Variants in MYO18A observed in about 807,000 individuals in gnomAD.
MYO18A encodes unconventional myosin-XVIIIa.
A neutral mutation model predicts 235.8 loss-of-function variants in MYO18A; 78 were observed. The observed-to-expected ratio is 0.33, with a 90% CI of 0.28 to 0.40. The LOEUF is 0.40. MYO18A is among the 10% of genes least tolerant of loss of function. MYO18A has a pLI of 1.00. For synonymous variants in MYO18A, 977 were observed against 1,077.8 expected (o/e 0.91, Z 1.83); for missense variants, 2,215 against 2,699.3 (o/e 0.82, Z 3.98).
At chr17:29,146,819 T>C (rs1156851248) in intron 2 of MYO18A, among the ~76,000 whole-genome samples, 4 of 152,208 alleles carry the variant, frequency 2.6e-5, no homozygotes, top group Admixed American at 1.3e-4. Context: ...TGCTGGACTT[T>C]TCAGATACTG....
intron 2 of MYO18A, among the ~76,000 whole-genome samples, chr17:29,154,707 G>C (rs2068030324): frequency 6.6e-6 from 1 of 152,220 alleles, no homozygotes; most frequent in African/African-American, 2.4e-5. Context: ...GCCAGGCTCA[G>C]CACATGCTGG....
At chr17:29,161,215 C>T (rs1048738361) in intron 2 of MYO18A, among the ~76,000 whole-genome samples, 2 of 151,996 alleles carry the variant, frequency 1.3e-5, no homozygotes, top group Admixed American at 6.5e-5. Flanking sequence ...ATTAGCTAGG[C>T]GTGGTGGCAG....
chr17:29,094,593 G>A, intron 30 of MYO18A, 57 bp downstream of exon 30: 2 of 1,567,964 alleles, frequency 1.3e-6, no homozygotes, highest in Non-Finnish European at 1.8e-6. Context: ...GGCTGGCTGT[G>A]GGGATGGTGG....
At chr17:29,149,823 C>G (rs970913713) in intron 2 of MYO18A, among the ~76,000 whole-genome samples, 7 of 152,248 alleles carry the variant, frequency 4.6e-5, no homozygotes, top group African/African-American at 1.7e-4. Flanking sequence ...CCAAAATCCT[C>G]CACAGCCCTG....
At position 29,087,005 on chromosome 17, in the gene MYO18A, C is replaced by T; in HGVS notation, c.5643G>A (p.Arg1881=). 1 of 1,614,026 alleles carries T rather than the reference C, an allele frequency of 6.2e-7. No individual in the cohort carries two copies. Among genetic ancestry groups the T allele is most frequent in the Non-Finnish European group, 8.5e-7 (1 of 1,179,900 alleles). ...EQNKRLQRQL[R]DTKEEMGELA... ...GCTCGCCCATCTCCTCCTTGGTGTC[C>T]CGGAGCTGCCTCTGTAGCCGCTTGT... The change falls in exon 38 of 42, where the codon CGG becomes CGA. Residue 1881 remains arginine, a synonymous_variant. Coordinates refer to ENST00000527372, the MANE Select transcript of MYO18A (RefSeq NM_078471.4).
At position 29,109,650 on chromosome 17, in the gene MYO18A, G is replaced by C. The variant is rs2066879153; in HGVS notation, c.3331+208C>G. Among the ~76,000 whole-genome samples, 1 of 152,132 alleles carries C rather than the reference G, an allele frequency of 6.6e-6. No individual in the cohort carries two copies. The highest frequency in any genetic ancestry group is 2.1e-4 in the South Asian group (1 of 4,834). On this transcript the variant is annotated intron_variant, in intron 19 of 41. Transcript: ENST00000527372. This position sits in a 1 kb window ranked among gnomAD's most constrained non-coding sequence, Gnocchi z 4.1. ...CAAAGAGAACTGAATATGGAAGGGA[G>C]AGGAGGAGGCGGGGACTCTGCAGGA...
In MYO18A at chr17:29,099,558, C is replaced by T. The variant is rs1041580330; in HGVS notation, c.3636+76G>A. The T allele has an allele frequency of 1.2e-5, 18 of 1,545,734 alleles. No homozygotes were observed. The African/African-American group carries it at 2.3e-4, about 20-fold the overall frequency. ...TGGGAGGTTCCTGCCTCTTCTCCCC[C>T]TTATAGCCCCCACCCCAGGAACTTG... On this transcript the variant is annotated intron_variant, in intron 22 of 41. Transcript: ENST00000527372.
At chr17:29,115,258 A>G in intron 13 of MYO18A, 93 bp downstream of exon 13, 1 of 1,487,800 alleles carries the variant, frequency 6.7e-7, no homozygotes, top group Non-Finnish European at 9.2e-7. Flanking sequence ...CCCTGCTGGA[A>G]GAGACCGGCT....
At chr17:29,159,434 AAATG>A (rs1476711938) in intron 2 of MYO18A, among the ~76,000 whole-genome samples, 1 of 152,216 alleles carries the variant, frequency 6.6e-6, no homozygotes, top group African/African-American at 2.4e-5. Context: ...CTTTGGCACA[AAATG>A]AAGACAAATT....
At chr17:29,107,051 G>A (rs757641165) in intron 20 of MYO18A, 29 bp downstream of exon 20, 2 of 1,601,200 alleles carry the variant, frequency 1.2e-6, no homozygotes, top group Non-Finnish European at 1.7e-6. Flanking sequence ...CCTGGGCAGA[G>A]GGAGAGCGGT....
At chr17:29,178,098 C>T (rs913897812) in intron 1 of MYO18A, among the ~76,000 whole-genome samples, 1 of 152,190 alleles carries the variant, frequency 6.6e-6, no homozygotes, top group Non-Finnish European at 1.5e-5. Flanking sequence ...AAGACACATG[C>T]AGTCCTCAAT....
intron 2 of MYO18A, among the ~76,000 whole-genome samples, chr17:29,162,650 G>A (rs1383602973): frequency 1.3e-5 from 2 of 152,190 alleles, no homozygotes; most frequent in African/African-American, 2.4e-5. Context: ...CGCTTACTAT[G>A]AGCTCCTTGG....
intron 41 of MYO18A, among the ~76,000 whole-genome samples, chr17:29,081,930 C>T (rs116804316): frequency 2.8e-3 from 421 of 152,268 alleles, no homozygotes; most frequent in African/African-American, 9.5e-3. Flanking sequence ...CTGCTATTCA[C>T]GGTAAGACGT....
intron 2 of MYO18A, among the ~76,000 whole-genome samples, chr17:29,151,711 A>G (rs757186741): frequency 4.6e-5 from 7 of 152,206 alleles, no homozygotes; most frequent in Non-Finnish European, 1.0e-4. Flanking sequence ...CACGAGTAAG[A>G]CATCTGGAAT....
intron 19 of MYO18A, among the ~76,000 whole-genome samples, chr17:29,108,907 T>C (rs2066860231): frequency 6.6e-6 from 1 of 152,136 alleles, no homozygotes; most frequent in South Asian, 2.1e-4. Flanking sequence ...TGATTTTGGT[T>C]CAGAGCGGTA....
At chr17:29,169,949 C>T (rs1444104083) in intron 1 of MYO18A, among the ~76,000 whole-genome samples, 2 of 152,186 alleles carry the variant, frequency 1.3e-5, no homozygotes, top group African/African-American at 2.4e-5. Context: ...GCTTGTTCCT[C>T]ACTGTCATTG....
In MYO18A at chr17:29,158,739, C is replaced by T. The variant is rs953310744; in HGVS notation, c.999+7203G>A. ...GCGGGAGCCCTGCTGGCAGGCAGCG[C>T]GTGCCTGTGGTTTCTGGGAAATGCT... On this transcript the variant is annotated intron_variant, in intron 2 of 41. Coordinates refer to ENST00000527372, the MANE Select transcript of MYO18A (RefSeq NM_078471.4). This position sits in a 1 kb window ranked among gnomAD's most constrained non-coding sequence, Gnocchi z 4.3. Among the ~76,000 whole-genome samples the T allele has an allele frequency of 2.0e-5, 3 of 152,162 alleles. No individual in the cohort carries two copies. Among genetic ancestry groups the T allele is most frequent in the Admixed American group, 6.5e-5 (1 of 15,286 alleles).
At chr17:29,095,640 G>A (rs1471300952) in intron 28 of MYO18A, among the ~76,000 whole-genome samples, 1 of 152,206 alleles carries the variant, frequency 6.6e-6, no homozygotes, top group Non-Finnish European at 1.5e-5. Context: ...GGGCACACAG[G>A]GGGCCTCGTT....
At position 29,085,629 on chromosome 17, in the gene MYO18A, T is replaced by C; in HGVS notation, c.5872A>G (p.Lys1958Glu). The change falls in exon 40 of 42, where the codon AAG (lysine) becomes GAG (glutamate). Residue 1958 changes from lysine (K) to glutamate (E), a missense_variant. Transcript: ENST00000527372. ...LINSLQDMVT[K>E]YQKRKNKLEG... is the part of the protein sequence containing the mutation. The stretch of plus-strand genomic sequence containing the variant: ...AGTTTATTCTTTCTTTTCTGATACT[T>C]TGTCACCATGTCCTGCAAACTGGAA... 1 of 1,614,006 alleles carries C rather than the reference T, an allele frequency of 6.2e-7. No individual in the cohort carries two copies. Among genetic ancestry groups the C allele is most frequent in the Non-Finnish European group, 8.5e-7 (1 of 1,179,882 alleles).
Sources: allele counts gnomAD v4.1 joint callset (sites outside exome capture counted in the v4.1 genomes callset), GRCh38; gene constraint gnomAD v4.1.1; non-coding constraint Gnocchi (gnomAD v3.1); transcripts MANE v1.5; gene names NCBI Gene and HGNC (gene_info 2026-07-23, HGNC 2026-07-21).